TMEM132C: variants seen among roughly 807,000 people sequenced by gnomAD.
TMEM132C encodes the protein transmembrane protein 132C.
TMEM132C carries 29 observed loss-of-function variants against 61.4 expected under a neutral mutation model. That is an observed-to-expected ratio of 0.47 (90% CI 0.35 to 0.64). The LOEUF (loss-of-function observed/expected upper bound fraction) is 0.64, where lower values mean the gene tolerates loss of function less well. Among genes scored for constraint, TMEM132C ranks in the 30% least tolerant of loss-of-function variants. TMEM132C has a pLI of 0.00. For synonymous variants in TMEM132C, 656 were observed against 633.1 expected (o/e 1.04, Z -0.54); for missense variants, 1,408 against 1,476.9 (o/e 0.95, Z 0.76).
chr12:128,579,844 G>A (rs1315744719), intron 3 of TMEM132C, among the ~76,000 whole-genome samples: 5 of 152,212 alleles, frequency 3.3e-5, no homozygotes, highest in African/African-American at 1.2e-4. Flanking sequence ...GATCCACTTT[G>A]CTGTATGAAT....
intron 1 of TMEM132C, among the ~76,000 whole-genome samples, chr12:128,313,541 G>A (rs897878775): frequency 2.0e-5 from 3 of 152,194 alleles, no homozygotes; most frequent in South Asian, 2.1e-4. Flanking sequence ...CTGAGAACAC[G>A]TGTGATAGGG....
chr12:128,557,540 TC>T (rs1874371007), intron 3 of TMEM132C, among the ~76,000 whole-genome samples: 2 of 152,102 alleles, frequency 1.3e-5, no homozygotes, highest in Non-Finnish European at 2.9e-5. Flanking sequence ...GGTGAGGTCC[TC>T]CCCCTGAAAC....
intron 3 of TMEM132C, among the ~76,000 whole-genome samples, chr12:128,572,066 CTGAT>C (rs1252395007): frequency 1.6e-4 from 25 of 151,994 alleles, no homozygotes; most frequent in African/African-American, 5.1e-4. Flanking sequence ...CTGCTAGTCT[CTGAT>C]TGGCCAGGCC....
chr12:128,659,573 C>T (rs1258752550), intron 4 of TMEM132C, among the ~76,000 whole-genome samples: 4 of 152,198 alleles, frequency 2.6e-5, no homozygotes, highest in African/African-American at 7.2e-5. Context: ...GGGGAGCATT[C>T]GCCCAGTTAT....
intron 4 of TMEM132C, among the ~76,000 whole-genome samples, chr12:128,663,171 A>G (rs1954410173): frequency 6.6e-6 from 1 of 152,206 alleles, no homozygotes. Flanking sequence ...AAGGTTATGA[A>G]CCATCATCCC....
At chr12:128,311,175 A>C (rs886996773) in intron 1 of TMEM132C, among the ~76,000 whole-genome samples, 1 of 152,258 alleles carries the variant, frequency 6.6e-6, no homozygotes, top group Non-Finnish European at 1.5e-5. Context: ...AAATCTGCAC[A>C]GTCCTTTACC....
intron 2 of TMEM132C, among the ~76,000 whole-genome samples, chr12:128,509,539 C>G (rs1872503675): frequency 6.6e-6 from 1 of 152,212 alleles, no homozygotes; most frequent in Admixed American, 6.5e-5. Flanking sequence ...GCAGTTTTTG[C>G]ATGACTCAGT....
chr12:128,396,870 G>A (rs1156270806), intron 1 of TMEM132C, among the ~76,000 whole-genome samples: 2 of 152,160 alleles, frequency 1.3e-5, no homozygotes. Flanking sequence ...TTCTCTCCTG[G>A]GGTTTGCTGT....
At chr12:128,390,410 T>G (rs2135999075) in intron 1 of TMEM132C, among the ~76,000 whole-genome samples, 1 of 152,232 alleles carries the variant, frequency 6.6e-6, no homozygotes, top group East Asian at 1.9e-4. Context: ...CCTTCCCTAT[T>G]CTGCAGAGCT....
At chr12:128,615,696 G>A (rs776408283) in intron 3 of TMEM132C, among the ~76,000 whole-genome samples, 2 of 152,106 alleles carry the variant, frequency 1.3e-5, no homozygotes, top group Non-Finnish European at 2.9e-5. Context: ...TCACTTACCC[G>A]CCACTCACCT....
intron 1 of TMEM132C, among the ~76,000 whole-genome samples, chr12:128,286,872 T>C (rs1426271912): frequency 1.3e-5 from 2 of 152,116 alleles, no homozygotes; most frequent in Non-Finnish European, 2.9e-5. Flanking sequence ...TATTGTCCAT[T>C]GAACAGGATC....
At chr12:128,392,651 A>T (rs1874806112) in intron 1 of TMEM132C, among the ~76,000 whole-genome samples, 2 of 152,180 alleles carry the variant, frequency 1.3e-5, no homozygotes, top group African/African-American at 4.8e-5. Context: ...AACAGGTGAT[A>T]TTCAAACTTT....
intron 1 of TMEM132C, among the ~76,000 whole-genome samples, chr12:128,290,889 A>G (rs1394129876): frequency 3.9e-5 from 6 of 152,206 alleles, no homozygotes; most frequent in Non-Finnish European, 7.3e-5. Flanking sequence ...CAATTTCATA[A>G]TAGAAATGAC....
intron 2 of TMEM132C, among the ~76,000 whole-genome samples, chr12:128,487,294 A>G (rs1192195818): frequency 6.6e-6 from 1 of 152,106 alleles, no homozygotes; most frequent in East Asian, 1.9e-4. Context: ...TTTAGCTGGC[A>G]TTTGCTCACC....
intron 1 of TMEM132C, among the ~76,000 whole-genome samples, chr12:128,308,076 G>A (rs980716034): frequency 2.0e-4 from 30 of 152,176 alleles, no homozygotes; most frequent in African/African-American, 7.2e-4. Context: ...GCAACAGTTA[G>A]GAAACAGTGC....
Position 128,414,940 on chromosome 12 carries a change from C to G in TMEM132C, c.294C>G (p.Ser98Arg). Residue 98 changes from serine to arginine, a missense_variant, in exon 2 of 9, where the codon AGC (serine) becomes AGG (arginine). Coordinates refer to ENST00000435159, the MANE Select transcript of TMEM132C (RefSeq NM_001136103.3). ...GGCAGCCCCCAGTGCTCAATGCCAG[C>G]TATGGACCCTTTTCTGTGGAGAAGG... ...KTRQPPVLNA[S>R]YGPFSVEKVV... 4 of 1,551,766 alleles carry G rather than the reference C, an allele frequency of 2.6e-6. No homozygotes were observed. Among genetic ancestry groups the G allele is most frequent in the Non-Finnish European group, 3.5e-6 (4 of 1,147,028 alleles).
intron 3 of TMEM132C, among the ~76,000 whole-genome samples, chr12:128,569,645 G>A (rs1303845233): frequency 6.6e-6 from 1 of 152,232 alleles, no homozygotes; most frequent in Admixed American, 6.5e-5. Flanking sequence ...GCCCACACTA[G>A]AGCGGCTTGT....
chr12:128,363,108 C>T lies in TMEM132C; in HGVS notation c.86-51624C>T, dbSNP rs572067220. ...AACTATAAATAGATTGATTTACTGACAGTACCATCACTCCGTTTTGTAGGA... is the reference window on the plus strand; with the variant it reads ...AACTATAAATAGATTGATTTACTGATAGTACCATCACTCCGTTTTGTAGGA... On this transcript the variant is annotated intron_variant, in intron 1 of 8. Coordinates refer to ENST00000435159, the MANE Select transcript of TMEM132C (RefSeq NM_001136103.3). Among the ~76,000 whole-genome samples the T allele has an allele frequency of 3.3e-5, 5 of 152,334 alleles. No homozygotes were observed. The East Asian group carries it at 9.6e-4, about 29-fold the overall frequency.
chr12:128,546,777 C>A (rs1873966011), intron 3 of TMEM132C, among the ~76,000 whole-genome samples: 1 of 152,186 alleles, frequency 6.6e-6, no homozygotes, highest in African/African-American at 2.4e-5. Context: ...ATGTTGGACC[C>A]ACCTGGGTAA....
Sources: allele counts gnomAD v4.1 joint callset (sites outside exome capture counted in the v4.1 genomes callset), GRCh38; gene constraint gnomAD v4.1.1; transcripts MANE v1.5; gene names NCBI Gene and HGNC (gene_info 2026-07-23, HGNC 2026-07-21).